KCNIP4: variants seen among roughly 807,000 people sequenced by gnomAD.
KCNIP4 encodes potassium voltage-gated channel interacting protein 4.
In KCNIP4, 12 loss-of-function variants were observed where a neutral mutation model predicts 34.0. The ratio of observed to expected loss-of-function variants is 0.35; its 90% CI spans 0.23 to 0.57. The LOEUF (loss-of-function observed/expected upper bound fraction) is 0.57, where lower values mean the gene tolerates loss of function less well. KCNIP4 is among the 20% of genes least tolerant of loss of function. The pLI is 0.83. For missense variants in KCNIP4, 238 were observed against 311.7 expected (o/e 0.76, Z 1.78); for synonymous variants, 124 against 102.2 (o/e 1.21, Z -1.29).
Position 21,838,273 on chromosome 4 carries a change from G to A in KCNIP4, c.61+110298C>T, listed in dbSNP as rs527831941. On this transcript the variant is annotated intron_variant, in intron 1 of 8. Coordinates refer to ENST00000382152, the MANE Select transcript of KCNIP4 (RefSeq NM_025221.6). Reference sequence around the variant, plus strand: ...CTGAAAGTGACATCAAAAAAAGTCCGGAGGCCAGAGTGCCAGAACTTCTGC... The same window carrying A: ...CTGAAAGTGACATCAAAAAAAGTCCAGAGGCCAGAGTGCCAGAACTTCTGC... Among the ~76,000 whole-genome samples the A allele has an allele frequency of 4.6e-5, 7 of 152,208 alleles. No homozygotes were observed. The South Asian group carries it at 1.0e-3, about 23-fold the overall frequency.
intron 1 of KCNIP4, among the ~76,000 whole-genome samples, chr4:21,493,443 C>T (rs188401942): frequency 7.2e-5 from 11 of 152,242 alleles, no homozygotes; most frequent in Non-Finnish European, 1.5e-5. Context: ...TCTAGACAGA[C>T]ATCCATCTTC....
chr4:21,500,585 A>G (rs547791845), intron 1 of KCNIP4, among the ~76,000 whole-genome samples: 1 of 152,178 alleles, frequency 6.6e-6, no homozygotes, highest in Non-Finnish European at 1.5e-5. Context: ...TTAGAGATTG[A>G]TAAGTTCATT....
At chr4:20,887,458 A>G (rs957731350) in intron 1 of KCNIP4, among the ~76,000 whole-genome samples, 9 of 151,844 alleles carry the variant, frequency 5.9e-5, no homozygotes, top group African/African-American at 2.2e-4. Context: ...TGTAGGCAAA[A>G]TGCTGAAAAT....
chr4:21,695,198 T>C (rs930005438), intron 1 of KCNIP4, among the ~76,000 whole-genome samples: 1 of 152,104 alleles, frequency 6.6e-6, no homozygotes, highest in Non-Finnish European at 1.5e-5. Context: ...GAATGGTGTA[T>C]ATTATCACAG....
At chr4:21,869,251 T>C (rs747137524) in intron 1 of KCNIP4, among the ~76,000 whole-genome samples, 4 of 152,166 alleles carry the variant, frequency 2.6e-5, no homozygotes, top group Non-Finnish European at 5.9e-5. Context: ...TACACCATCC[T>C]GTGGTCCTCT....
intron 1 of KCNIP4, among the ~76,000 whole-genome samples, chr4:21,550,047 T>C (rs1166236802): frequency 1.3e-5 from 2 of 152,128 alleles, no homozygotes; most frequent in African/African-American, 4.8e-5. Flanking sequence ...CAGCCTTCCA[T>C]CTTCACTGAT....
At chr4:21,463,293 C>T (rs760667885) in intron 1 of KCNIP4, among the ~76,000 whole-genome samples, 27 of 151,788 alleles carry the variant, frequency 1.8e-4, no homozygotes, top group Non-Finnish European at 3.8e-4. Flanking sequence ...TTTCATATAC[C>T]TCTTTGTCAT....
intron 1 of KCNIP4, among the ~76,000 whole-genome samples, chr4:21,889,669 A>G (rs1248115988): frequency 6.6e-6 from 1 of 152,128 alleles, no homozygotes; most frequent in Non-Finnish European, 1.5e-5. Flanking sequence ...GATGGTTCAG[A>G]ACATGTAAAG....
intron 1 of KCNIP4, among the ~76,000 whole-genome samples, chr4:20,963,110 G>A (rs1734003700): frequency 6.6e-6 from 1 of 151,938 alleles, no homozygotes; most frequent in South Asian, 2.1e-4. Context: ...CACTTGAGGT[G>A]AGGGGTTCGA....
At chr4:20,926,225 C>G (rs549950644) in intron 1 of KCNIP4, among the ~76,000 whole-genome samples, 187 of 152,328 alleles carry the variant, frequency 1.2e-3, no homozygotes, top group Middle Eastern at 3.4e-3. Context: ...TGTTAAGGCT[C>G]TTCTACACAA....
chr4:21,107,702 C>G (rs1296920933), intron 1 of KCNIP4, among the ~76,000 whole-genome samples: 1 of 151,576 alleles, frequency 6.6e-6, no homozygotes, highest in African/African-American at 2.4e-5. Context: ...CCTCGACGGT[C>G]TTTACAATTT....
chr4:21,561,211 T>C (rs1739465380), intron 1 of KCNIP4, among the ~76,000 whole-genome samples: 1 of 151,958 alleles, frequency 6.6e-6, no homozygotes. Context: ...TTAGGGGAGC[T>C]TCAAAGTCCT....
At chr4:20,784,751 T>G (rs1711721556) in intron 3 of KCNIP4, among the ~76,000 whole-genome samples, 1 of 152,174 alleles carries the variant, frequency 6.6e-6, no homozygotes, top group Non-Finnish European at 1.5e-5. Context: ...TGCTGTCAGT[T>G]GGCTCACAAT....
At chr4:21,626,740 A>G (rs891667196) in intron 1 of KCNIP4, among the ~76,000 whole-genome samples, 1 of 152,032 alleles carries the variant, frequency 6.6e-6, no homozygotes, top group East Asian at 1.9e-4. Context: ...CCAATCCCTA[A>G]AGGAACTAGT....
chr4:21,056,606 C>G (rs1218277926), intron 1 of KCNIP4, among the ~76,000 whole-genome samples: 2 of 152,152 alleles, frequency 1.3e-5, no homozygotes, highest in Non-Finnish European at 2.9e-5. Flanking sequence ...GTGCTTGACA[C>G]TGAAGATTAG....
intron 1 of KCNIP4, among the ~76,000 whole-genome samples, chr4:21,432,123 T>TATATATA (rs1553881287): frequency 9.0e-6 from 1 of 111,232 alleles, no homozygotes; most frequent in African/African-American, 3.5e-5. Context: ...TATATATATA[T>TATATATA]ATATATATAT....
chr4:21,567,006 C>T (rs904477675), intron 1 of KCNIP4, among the ~76,000 whole-genome samples: 7 of 152,050 alleles, frequency 4.6e-5, no homozygotes, highest in Admixed American at 1.3e-4. Flanking sequence ...ATTTATATTA[C>T]GGTAACTATC....
At chr4:21,153,696 G>A (rs80354713) in intron 1 of KCNIP4, among the ~76,000 whole-genome samples, 3,835 of 151,762 alleles carry the variant, frequency 0.025, 183 homozygotes, top group African/African-American at 0.086. Flanking sequence ...TAGAACCTTT[G>A]GAATTCTGGG....
chr4:21,153,680 G>C (rs1273007635), intron 1 of KCNIP4, among the ~76,000 whole-genome samples: 1 of 151,738 alleles, frequency 6.6e-6, no homozygotes, highest in African/African-American at 2.4e-5. Context: ...CTTGAATCTG[G>C]CTTCCTAGAA....
Sources: gnomAD v4.1 joint callset for allele counts (sites outside exome capture counted in the v4.1 genomes callset) on GRCh38, gnomAD v4.1.1 for gene constraint, MANE v1.5 for transcripts, NCBI Gene and HGNC (gene_info 2026-07-23, HGNC 2026-07-21) for gene names.